The following USP54 variants were observed in gnomAD, a reference collection of about 807,000 sequenced individuals.
USP54 encodes the protein ubiquitin carboxyl-terminal hydrolase 54.
A neutral mutation model predicts 170.5 loss-of-function variants in USP54; 87 were observed. That is an observed-to-expected ratio of 0.51 (90% CI 0.43 to 0.61). The LOEUF is 0.61. Among genes scored for constraint, USP54 ranks in the 20% least tolerant of loss-of-function variants. The probability of loss-of-function intolerance (pLI) is 0.00; values close to 1 mark genes in which losing one functional copy is unlikely to be tolerated. For synonymous variants in USP54, 655 were observed against 742.8 expected, an observed-to-expected ratio of 0.88 and a Z score of 1.92; for missense variants, 1,786 against 2,047.8, an observed-to-expected ratio of 0.87 and a Z score of 2.47.
At chr10:73,618,082 G>A (rs970362519) in intron 1 of USP54, among the ~76,000 whole-genome samples, 1 of 149,158 alleles carries the variant, frequency 6.7e-6, no homozygotes, top group Non-Finnish European at 1.5e-5. Context: ...TTGGTGGCAG[G>A]TGCCTGTAAT....
intron 23 of USP54, among the ~76,000 whole-genome samples, chr10:73,500,311 T>C (rs1589755012): frequency 1.3e-5 from 2 of 152,294 alleles, no homozygotes; most frequent in East Asian, 1.9e-4. Context: ...GCTCAGAGGA[T>C]AGAAGGAGAG....
intron 10 of USP54, 110 bp from the exon 11 acceptor site, chr10:73,536,547 A>T: frequency 1.3e-5 from 17 of 1,282,228 alleles, no homozygotes; most frequent in Non-Finnish European, 1.7e-5. Context: ...TGAAAAGATA[A>T]GAATTGGGTA....
intron 4 of USP54, among the ~76,000 whole-genome samples, chr10:73,556,927 A>G (rs1163944020): frequency 6.6e-6 from 1 of 152,192 alleles, no homozygotes; most frequent in African/African-American, 2.4e-5. Context: ...GCCTTATACT[A>G]GCATTCTTAA....
At chr10:73,574,145 C>T (rs756192082) in intron 3 of USP54, among the ~76,000 whole-genome samples, 6 of 152,090 alleles carry the variant, frequency 3.9e-5, no homozygotes, top group Admixed American at 6.6e-5. Context: ...ATGCTATGGG[C>T]GTGACTGGGC....
intron 4 of USP54, among the ~76,000 whole-genome samples, chr10:73,559,948 G>A (rs949978428): frequency 2.6e-5 from 4 of 151,500 alleles, no homozygotes; most frequent in Non-Finnish European, 5.9e-5. Context: ...GGGAGACAGA[G>A]GCAGGAGAAT....
intron 13 of USP54, 65 bp from the exon 14 acceptor site, chr10:73,530,588 G>A (rs2063768672): frequency 6.4e-7 from 1 of 1,563,394 alleles, no homozygotes; most frequent in East Asian, 2.2e-5. Context: ...AGACCCCAAT[G>A]TCGAAAAAGC....
rs532653702 is a variant in USP54 at position 73,616,643 on chromosome 10, A to T, written c.-18+8924T>A. 4.0e-5 allele frequency among the ~76,000 whole-genome samples: 6 copies of T among 150,150 alleles called. 1 individual carries two copies. Among genetic ancestry groups the T allele is most frequent in the African/African-American group, 1.3e-4 (5 of 39,612 alleles). ...TCCTGCATGTGTATCCAGGAACTTA[A>T]AATTAAATTAAATTCTAAAAAAAAT... is the stretch of plus-strand genomic sequence containing the variant. On this transcript the variant is annotated intron_variant, in intron 1 of 22. Coordinates refer to the USP54 transcript ENST00000339859.
upstream of USP54, among the ~76,000 whole-genome samples, chr10:73,595,875 C>T (rs113732296): frequency 3.9e-5 from 6 of 152,144 alleles, no homozygotes; most frequent in African/African-American, 1.2e-4. Context: ...TTTGAGAGGC[C>T]AAGGCAGGCG....
At chr10:73,577,214 C>A (rs2076235179) in intron 1 of USP54, among the ~76,000 whole-genome samples, 1 of 152,194 alleles carries the variant, frequency 6.6e-6, no homozygotes, top group African/African-American at 2.4e-5. Flanking sequence ...CCAACATCAA[C>A]AATTCCTCAT....
intron 4 of USP54, among the ~76,000 whole-genome samples, chr10:73,552,010 T>C (rs2069501685): frequency 6.6e-6 from 1 of 152,172 alleles, no homozygotes; most frequent in Non-Finnish European, 1.5e-5. Flanking sequence ...CTTTGTGTTC[T>C]GTGTGGTTCA....
intron 5 of USP54, 121 bp from the exon 6 acceptor site, chr10:73,543,252 T>A (rs1054204490): frequency 4.1e-5 from 28 of 687,996 alleles, no homozygotes; most frequent in African/African-American, 9.0e-5. Flanking sequence ...TTTTGATTTT[T>A]AAAAATTTTT....
chr10:73,571,596 T>C (rs559436542), intron 3 of USP54, 83 bp from the exon 4 acceptor site: 448 of 1,050,314 alleles, frequency 4.3e-4, no homozygotes, highest in Non-Finnish European at 5.5e-4. Flanking sequence ...CAAACATAGG[T>C]AATGACTGCA....
chr10:73,558,808 C>T (rs543064463), intron 4 of USP54, among the ~76,000 whole-genome samples: 51 of 152,224 alleles, frequency 3.4e-4, no homozygotes, highest in African/African-American at 1.2e-3. Context: ...ACTTTTGACA[C>T]CCCAAAAACT....
chr10:73,546,737 T>C (rs1027043394), intron 4 of USP54: 3 of 152,228 alleles, frequency 2.0e-5, no homozygotes, highest in Non-Finnish European at 2.9e-5. Flanking sequence ...ATGATATAGA[T>C]ATAGACCTGG....
intron 1 of USP54, among the ~76,000 whole-genome samples, chr10:73,621,932 A>C (rs2081127460): frequency 1.3e-5 from 2 of 152,174 alleles, no homozygotes; most frequent in South Asian, 4.1e-4. Flanking sequence ...GAGTAAAAAA[A>C]CAGATACCCC....
intron 4 of USP54, among the ~76,000 whole-genome samples, chr10:73,558,637 A>G (rs1383779477): frequency 6.6e-6 from 1 of 152,188 alleles, no homozygotes; most frequent in Non-Finnish European, 1.5e-5. Context: ...GAAACATGTT[A>G]GTGTTTCCTT....
intron 1 of USP54, among the ~76,000 whole-genome samples, chr10:73,615,824 G>A (rs1268005884): frequency 6.8e-6 from 1 of 148,042 alleles, no homozygotes. Context: ...GGAGGTTGAG[G>A]TGGGACGATC....
chr10:73,613,654 G>C (rs1185057081), intron 1 of USP54, among the ~76,000 whole-genome samples: 1 of 151,260 alleles, frequency 6.6e-6, no homozygotes, highest in African/African-American at 2.4e-5. Flanking sequence ...GAGGCAGGCC[G>C]ACCACCTGAG....
chr10:73,605,575 A>G (rs2079555211), intron 1 of USP54, among the ~76,000 whole-genome samples: 1 of 152,204 alleles, frequency 6.6e-6, no homozygotes, highest in South Asian at 2.1e-4. Context: ...TAGCAACATT[A>G]TTGACAATAG....
Sources: gnomAD v4.1 joint callset for allele counts (sites outside exome capture counted in the v4.1 genomes callset) on GRCh38, gnomAD v4.1.1 for gene constraint, MANE v1.5 for transcripts, NCBI Gene and HGNC (gene_info 2026-07-23, HGNC 2026-07-21) for gene names.